The following SLC49A4 variants were observed in gnomAD, a reference collection of about 807,000 sequenced individuals.
SLC49A4 encodes disrupted in renal cancer protein 2.
Under a neutral mutation model 50.6 loss-of-function variants are expected in SLC49A4, and 36 were observed. The observed-to-expected ratio is 0.71, with a 90% CI of 0.55 to 0.94. The LOEUF is 0.94. SLC49A4 is among the 40% of genes least tolerant of loss of function. SLC49A4 has a pLI of 0.00. For missense variants in SLC49A4, 503 were observed against 605.7 expected, an observed-to-expected ratio of 0.83 and a Z score of 1.78; for synonymous variants, 248 against 241.2, an observed-to-expected ratio of 1.03 and a Z score of -0.26.
Position 122,826,984 on chromosome 3 carries a change from C to T in SLC49A4, c.622C>T (p.Pro208Ser). Reference protein sequence around the residue: ...FLVGPLVVPAPNGTSPLLAAE... With the variant: ...FLVGPLVVPASNGTSPLLAAE... ...AGTTGGACCACTTGTTGTTCCAGCT[C>T]CCAATGGGACATCACCTCTTCTTGC... The change falls in exon 3 of 9, where the codon CCC (proline) becomes TCC (serine). Residue 208 changes from proline (P) to serine (S), a missense_variant. Pro to Ser is a moderately conservative substitution (Grantham distance 74). Coordinates refer to ENST00000261038, the MANE Select transcript of SLC49A4 (RefSeq NM_032839.3). The T allele has an allele frequency of 6.2e-7, 1 of 1,614,202 alleles. No homozygotes were observed. Among genetic ancestry groups the T allele is most frequent in the South Asian group, 1.1e-5 (1 of 91,086 alleles).
rs958985211 is a variant in SLC49A4, at chr3:122,862,530, T to A, written c.1138+2328T>A. Among the ~76,000 whole-genome samples, 16 of 152,238 alleles carry A rather than the reference T, an allele frequency of 1.1e-4. No individual in the cohort carries two copies. In the East Asian group the frequency reaches 1.5e-3, roughly 15 times the overall value. ...TTCTGAGCCAGAGCCAGAATTTTTT[T>A]AAAATTTTATTCTGGTATAACTTCA... On this transcript the variant is annotated intron_variant, in intron 7 of 8. Transcript: ENST00000261038.
At chr3:122,863,066 A>G (rs765041245) in intron 7 of SLC49A4, among the ~76,000 whole-genome samples, 1 of 152,186 alleles carries the variant, frequency 6.6e-6, no homozygotes, top group African/African-American at 2.4e-5. Flanking sequence ...TGATGTGGCC[A>G]CCTTAACAAC....
intron 5 of SLC49A4, among the ~76,000 whole-genome samples, chr3:122,851,160 CATT>C (rs1293793254): frequency 1.3e-5 from 2 of 152,200 alleles, no homozygotes. Flanking sequence ...CTGCACAAGA[CATT>C]ATTGTTTACA....
Position 122,872,431 on chromosome 3 carries a change from C to T in SLC49A4, c.1155C>T (p.Ser385=). The T allele has an allele frequency of 3.1e-6, 5 of 1,610,854 alleles. No homozygotes were observed. Among genetic ancestry groups the T allele is most frequent in the Non-Finnish European group, 4.2e-6 (5 of 1,179,166 alleles). Reference sequence around the variant, plus strand: ...TTATTTTAGTGACATTGTATGCCTCCTGTATTCTCCTGGGAGTGTTCTTGA... The same window carrying T: ...TTATTTTAGTGACATTGTATGCCTCTTGTATTCTCCTGGGAGTGTTCTTGA... ...LPLTTVTLYA[S]CILLGVFLNS... Residue 385 remains serine (S), a synonymous_variant, in exon 8 of 9, where the codon TCC becomes TCT. Coordinates refer to ENST00000261038, the MANE Select transcript of SLC49A4 (RefSeq NM_032839.3).
At chr3:122,814,505 T>A (rs536580534) in intron 2 of SLC49A4, among the ~76,000 whole-genome samples, 37 of 152,356 alleles carry the variant, frequency 2.4e-4, no homozygotes, top group African/African-American at 8.9e-4. Context: ...CTAACAATTG[T>A]TGATTCTCAG....
intron 1 of SLC49A4, among the ~76,000 whole-genome samples, chr3:122,803,118 A>G (rs148689832): frequency 1.6e-3 from 237 of 152,322 alleles, no homozygotes; most frequent in Non-Finnish European, 2.9e-3. Flanking sequence ...CAGAAGACCC[A>G]TAAGGAATCC....
At chr3:122,849,858 T>C (rs1936901777) in intron 5 of SLC49A4, among the ~76,000 whole-genome samples, 1 of 152,178 alleles carries the variant, frequency 6.6e-6, no homozygotes, top group Non-Finnish European at 1.5e-5. Context: ...ATTTTGCTTT[T>C]GTTGCCTGTG....
chr3:122,796,811 A>C (rs1208099617), intron 1 of SLC49A4, among the ~76,000 whole-genome samples: 1 of 152,154 alleles, frequency 6.6e-6, no homozygotes, highest in African/African-American at 2.4e-5. Context: ...TGAGCTCAGG[A>C]GGTCGAAGCT....
chr3:122,873,424 C>T (rs1437089429), intron 8 of SLC49A4, among the ~76,000 whole-genome samples: 1 of 152,134 alleles, frequency 6.6e-6, no homozygotes, highest in Non-Finnish European at 1.5e-5. Flanking sequence ...AAGTAATCCA[C>T]CCACCTCAGC....
At chr3:122,834,473 A>C (rs1416629744) in intron 4 of SLC49A4, among the ~76,000 whole-genome samples, 1 of 152,214 alleles carries the variant, frequency 6.6e-6, no homozygotes, top group Non-Finnish European at 1.5e-5. Context: ...TTTTTGGGTT[A>C]ACAATGAAAT....
rs1399035506 is a variant in SLC49A4, at chr3:122,828,527, AC to A, written c.703+1463del. Among the ~76,000 whole-genome samples the A allele has an allele frequency of 5.9e-4, 90 of 152,320 alleles. 2 individuals are homozygous for A. The highest frequency in any genetic ancestry group is 2.2e-3 in the Admixed American group (34 of 15,298). ...AGAGTGGCTTAGATCTAGTGAGAGT[AC>A]TAGTAGGTGAAGCTAGAGAGGAAGG... On this transcript the variant is annotated intron_variant, in intron 3 of 8. Transcript: ENST00000261038.
intron 2 of SLC49A4, among the ~76,000 whole-genome samples, chr3:122,822,014 T>A (rs1293258109): frequency 6.6e-6 from 1 of 152,112 alleles, no homozygotes; most frequent in African/African-American, 2.4e-5. Context: ...CTGGGCCCAG[T>A]CTGTGAGTTC....
At chr3:122,809,944 G>C (rs1453908740) in intron 2 of SLC49A4, among the ~76,000 whole-genome samples, 2 of 152,182 alleles carry the variant, frequency 1.3e-5, no homozygotes, top group Admixed American at 1.3e-4. Flanking sequence ...TGATGAAGCT[G>C]TTAAAATGAA....
rs191323366 is a variant in SLC49A4, at chr3:122,845,705, T to G, written c.834-58T>G. On this transcript the variant is annotated intron_variant, in intron 4 of 8. Coordinates refer to ENST00000261038, the MANE Select transcript of SLC49A4 (RefSeq NM_032839.3). Reference sequence around the variant, plus strand: ...CCAAATGACATACATTTTTCATGACTAAGTTTATTCTAGATTTTTAATTTG... The same window carrying G: ...CCAAATGACATACATTTTTCATGACGAAGTTTATTCTAGATTTTTAATTTG... 3.2e-6 allele frequency: 3 copies of G among 929,242 alleles called. No individual in the cohort carries two copies. In the Admixed American group the frequency reaches 8.9e-5, roughly 28 times the overall value. The allele number at this position is 929,242 out of a possible 1,614,324, so 57.6% of individuals were successfully genotyped here. A position where few individuals can be genotyped will look rare whatever the true frequency, so the allele number is the denominator to read the frequency against.
chr3:122,861,130 AC>A (rs1290043232), intron 7 of SLC49A4, among the ~76,000 whole-genome samples: 1 of 152,074 alleles, frequency 6.6e-6, no homozygotes, highest in Non-Finnish European at 1.5e-5. Flanking sequence ...ATTACATTGG[AC>A]CCACCAAGAT....
At chr3:122,797,403 A>G (rs1309469773) in intron 1 of SLC49A4, among the ~76,000 whole-genome samples, 1 of 152,230 alleles carries the variant, frequency 6.6e-6, no homozygotes. Flanking sequence ...GATATAGACT[A>G]TGTGAAGATC....
At chr3:122,854,776 C>G (rs1936964435) in intron 5 of SLC49A4, among the ~76,000 whole-genome samples, 1 of 152,148 alleles carries the variant, frequency 6.6e-6, no homozygotes, top group Admixed American at 6.5e-5. Context: ...GCTGGCAATC[C>G]CTGTCACAAG....
At chr3:122,862,690 A>T (rs1352982753) in intron 7 of SLC49A4, among the ~76,000 whole-genome samples, 1 of 152,248 alleles carries the variant, frequency 6.6e-6, no homozygotes, top group East Asian at 1.9e-4. Context: ...ACAAGAACAT[A>T]GTCATGAGTA....
chr3:122,836,500 C>T (rs150284987), intron 4 of SLC49A4, among the ~76,000 whole-genome samples: 1 of 151,988 alleles, frequency 6.6e-6, no homozygotes, highest in Non-Finnish European at 1.5e-5. Context: ...CAGGATGATG[C>T]TGGCCTCATA....
Sources: gnomAD v4.1 joint callset for allele counts (sites outside exome capture counted in the v4.1 genomes callset) on GRCh38, gnomAD v4.1.1 for gene constraint, MANE v1.5 for transcripts, NCBI Gene and HGNC (gene_info 2026-07-23, HGNC 2026-07-21) for gene names.